Variants in CHD8 observed in about 807,000 individuals in gnomAD.
CHD8 encodes chromodomain helicase DNA binding protein 8.
Under a neutral mutation model 279.2 loss-of-function variants are expected in CHD8, and 31 were observed. The observed-to-expected ratio is 0.11, with a 90% CI of 0.08 to 0.15. The LOEUF is 0.15. Among genes scored for constraint, CHD8 ranks in the 10% least tolerant of loss-of-function variants. CHD8 has a pLI of 1.00. For synonymous variants in CHD8, 1,081 were observed against 1,139.6 expected (o/e 0.95, Z 1.04); for missense variants, 2,146 against 3,230.5 (o/e 0.66, Z 8.14).
At chr14:21,413,451 G>A (rs1888590788) in intron 9 of CHD8, among the ~76,000 whole-genome samples, 1 of 149,184 alleles carries the variant, frequency 6.7e-6, no homozygotes, top group African/African-American at 2.5e-5. Context: ...CTGGAGTGCA[G>A]TAGAGCGATC....
intron 8 of CHD8, 154 bp downstream of exon 8, chr14:21,414,784 A>G (rs951447803): frequency 1.5e-6 from 1 of 674,466 alleles, no homozygotes; most frequent in Non-Finnish European, 2.7e-6. Flanking sequence ...CAATTCCTGA[A>G]TTTCTCTCTG....
chr14:21,419,684 T>C, intron 5 of CHD8: 1 of 207,000 alleles, frequency 4.8e-6, no homozygotes, highest in South Asian at 5.7e-5. Context: ...CACTGGGTGG[T>C]GCTGGGCAAA....
Position 21,418,447 on chromosome 14 carries a change from G to A in CHD8, c.1717-2540C>T, listed in dbSNP as rs531583314. ...AGGCATGAGGATCACTTGAATGCAG[G>A]AGGCGGAGGTTGCAGTGAGCCAAGA... is the stretch of plus-strand genomic sequence containing the variant. On this transcript the variant is annotated intron_variant, in intron 5 of 37. Coordinates refer to ENST00000646647, the MANE Select transcript of CHD8 (RefSeq NM_001170629.2). 2.6e-5 allele frequency among the ~76,000 whole-genome samples: 4 copies of A among 152,266 alleles called. No individual in the cohort carries two copies. In the South Asian group the frequency reaches 6.2e-4, roughly 24 times the overall value.
intron 5 of CHD8, 75 bp from the exon 6 acceptor site, chr14:21,415,982 G>T: frequency 8.1e-7 from 1 of 1,237,034 alleles, no homozygotes; most frequent in South Asian, 1.4e-5. Flanking sequence ...TTTGCTCATG[G>T]TCATATACTT....
intron 16 of CHD8, among the ~76,000 whole-genome samples, chr14:21,404,533 A>C (rs1888180143): frequency 6.6e-6 from 1 of 152,248 alleles, no homozygotes; most frequent in Admixed American, 6.5e-5. Context: ...GGAACACACT[A>C]TCAGCACCCA....
chr14:21,444,607 A>T (rs895556410), intron 1 of CHD8, among the ~76,000 whole-genome samples: 3 of 152,156 alleles, frequency 2.0e-5, no homozygotes, highest in Non-Finnish European at 2.9e-5. Context: ...TAAAAATTGC[A>T]AAAACACCAC....
chr14:21,415,927 T>TA lies in CHD8; in HGVS notation c.1717-21dup, dbSNP rs780029147. 52 of 1,601,056 alleles carry TA rather than the reference T, an allele frequency of 3.2e-5. No homozygotes were observed. Among genetic ancestry groups the TA allele is most frequent in the Non-Finnish European group, 4.3e-5 (51 of 1,172,974 alleles). ...TCTCTTCTGTAGAGCAAAAAGTAGTTAGAGTGACTAGTTAGGTCTCTCACA... is the reference window on the plus strand; with the variant it reads ...TCTCTTCTGTAGAGCAAAAAGTAGTTAAGAGTGACTAGTTAGGTCTCTCACA... On this transcript the variant is annotated intron_variant, in intron 5 of 37. Transcript: ENST00000646647.
intron 14 of CHD8, 71 bp downstream of exon 14, chr14:21,406,785 G>A: frequency 1.5e-6 from 2 of 1,358,336 alleles, no homozygotes; most frequent in South Asian, 2.8e-5. Context: ...CTAAACTAGG[G>A]TTATTTTAAT....
intron 1 of CHD8, among the ~76,000 whole-genome samples, chr14:21,452,682 A>C (rs1890285106): frequency 1.3e-5 from 2 of 151,388 alleles, no homozygotes; most frequent in African/African-American, 4.9e-5. Flanking sequence ...CAACAATCCC[A>C]TTACATAGAA....
intron 1 of CHD8, among the ~76,000 whole-genome samples, chr14:21,451,624 T>C (rs1481945532): frequency 1.3e-5 from 2 of 149,618 alleles, no homozygotes; most frequent in Non-Finnish European, 3.0e-5. Flanking sequence ...GCCAGGCTAA[T>C]TTCTATCTAT....
chr14:21,451,822 A>T (rs1427785214), intron 1 of CHD8, among the ~76,000 whole-genome samples: 2 of 152,150 alleles, frequency 1.3e-5, no homozygotes, highest in African/African-American at 4.8e-5. Context: ...ATAAAAGGGC[A>T]AAAGAAATGT....
rs1887644846 is a variant in CHD8, at chr14:21,393,624, A to G, written c.6171T>C (p.Ser2057=). The change falls in exon 32 of 38, where the codon AGT becomes AGC. Residue 2057 remains serine (S), a synonymous_variant. Coordinates refer to ENST00000646647, the MANE Select transcript of CHD8 (RefSeq NM_001170629.2). ...PSDTTPLVSR[S]VPPVKLEDED... is the part of the protein sequence containing the mutation. ...CATCCTCCAGTTTGACTGGTGGAAC[A>G]CTCCGGGAAACCAGAGGGGTAGTAT... 6.2e-7 allele frequency: 1 copy of G among 1,613,734 alleles called. No individual in the cohort carries two copies. Among genetic ancestry groups the G allele is most frequent in the Non-Finnish European group, 8.5e-7 (1 of 1,179,844 alleles).
intron 3 of CHD8, among the ~76,000 whole-genome samples, chr14:21,428,654 T>A (rs980731451): frequency 2.6e-5 from 4 of 152,214 alleles, no homozygotes; most frequent in African/African-American, 9.6e-5. Context: ...AAGTCATTTC[T>A]GAACTATCAT....
intron 27 of CHD8, chr14:21,397,461 C>A: frequency 2.1e-6 from 1 of 469,564 alleles, no homozygotes; most frequent in Non-Finnish European, 4.4e-6. Context: ...GATGATAAAC[C>A]AGGGCTGAAA....
intron 1 of CHD8, 139 bp from the exon 2 acceptor site, chr14:21,431,997 A>G (rs560809137): frequency 1.6e-6 from 1 of 627,634 alleles, no homozygotes; most frequent in African/African-American, 1.8e-5. Flanking sequence ...GAGGACGGAC[A>G]TACAGCAGAA....
At position 21,391,767 on chromosome 14, in the gene CHD8, T is replaced by C. The variant is rs542904757; in HGVS notation, c.6885+66A>G. ...TTTCCATTCCCCCAGTCCCACTGCC[T>C]TCATCAATTATTGGGAATAAAAAGA... On this transcript the variant is annotated intron_variant, in intron 35 of 37. Coordinates refer to ENST00000646647, the MANE Select transcript of CHD8 (RefSeq NM_001170629.2). 67 of 1,529,442 alleles carry C rather than the reference T, an allele frequency of 4.4e-5. No individual in the cohort carries two copies. The East Asian group carries it at 8.1e-4, about 19-fold the overall frequency. 94.7% of individuals were successfully genotyped at this position (1,529,442 alleles called of 1,614,324 possible).
At chr14:21,432,028 C>G (rs1349831771) in intron 1 of CHD8, among the ~76,000 whole-genome samples, 170 bp from the exon 2 acceptor site, 2 of 152,080 alleles carry the variant, frequency 1.3e-5, no homozygotes, top group Non-Finnish European at 2.9e-5. Context: ...ATTTCTGCTT[C>G]AAAACTAAAA....
Position 21,385,431 on chromosome 14 carries a change from G to T in CHD8, c.*182C>A. 2.0e-6 allele frequency: 2 copies of T among 996,790 alleles called. No individual in the cohort carries two copies. The highest frequency in any genetic ancestry group is 2.8e-6 in the Non-Finnish European group (2 of 707,196). 61.7% of individuals were successfully genotyped at this position (996,790 alleles called of 1,614,324 possible). A position where few individuals can be genotyped will look rare whatever the true frequency, so the allele number is the denominator to read the frequency against. On this transcript the variant is annotated 3_prime_UTR_variant, in exon 38 of 38. Coordinates refer to ENST00000646647, the MANE Select transcript of CHD8 (RefSeq NM_001170629.2). The stretch of plus-strand genomic sequence containing the variant: ...CATGTATTATTTTAGGAGTTCCCCT[G>T]CCCACCCAATCCTCTCATAATTGGG...
chr14:21,452,489 CA>C, intron 1 of CHD8, among the ~76,000 whole-genome samples: 1 of 151,198 alleles, frequency 6.6e-6, no homozygotes, highest in Non-Finnish European at 1.5e-5. Flanking sequence ...GCTAAAAATA[CA>C]AAAAATTAGC....
Sources: allele counts gnomAD v4.1 joint callset (sites outside exome capture counted in the v4.1 genomes callset), GRCh38; gene constraint gnomAD v4.1.1; transcripts MANE v1.5; gene names NCBI Gene and HGNC (gene_info 2026-07-23, HGNC 2026-07-21).